Variants in DNAJC6 observed in about 807,000 individuals in gnomAD.
DNAJC6 encodes the protein DnaJ heat shock protein family (Hsp40) member C6.
Under a neutral mutation model 110.0 loss-of-function variants are expected in DNAJC6, and 34 were observed. The observed-to-expected ratio is 0.31, with a 90% CI of 0.24 to 0.41. The LOEUF is 0.41. DNAJC6 is among the 10% of genes least tolerant of loss of function. The pLI is 1.00. For synonymous variants in DNAJC6, 406 were observed against 437.2 expected (o/e 0.93, Z 0.89); for missense variants, 1,031 against 1,207.8 (o/e 0.85, Z 2.17).
intron 4 of DNAJC6, among the ~76,000 whole-genome samples, chr1:65,371,225 A>G (rs8179492): frequency 0.66 from 100,803 of 151,994 alleles, 34,154 homozygotes; most frequent in African/African-American, 0.82. Context: ...ACTGAGATGA[A>G]GCCATATAGT....
intron 14 of DNAJC6, among the ~76,000 whole-genome samples, chr1:65,399,461 A>T (rs1421733494): frequency 6.6e-6 from 1 of 152,200 alleles, no homozygotes; most frequent in African/African-American, 2.4e-5. Flanking sequence ...ACGCGTGCAC[A>T]TACAAACACA....
At chr1:65,381,423 C>G (rs2101592908) in intron 5 of DNAJC6, among the ~76,000 whole-genome samples, 1 of 151,810 alleles carries the variant, frequency 6.6e-6, no homozygotes, top group Admixed American at 6.6e-5. Context: ...GTGCTGTGCA[C>G]CTGTAATTCC....
At chr1:65,311,756 A>C (rs1645104053) in intron 1 of DNAJC6, among the ~76,000 whole-genome samples, 1 of 152,358 alleles carries the variant, frequency 6.6e-6, no homozygotes, top group Middle Eastern at 3.4e-3. Flanking sequence ...TCACTTCAGG[A>C]AAATGAAAGA....
chr1:65,342,108 T>G (rs1454512886), intron 1 of DNAJC6, among the ~76,000 whole-genome samples: 1 of 152,132 alleles, frequency 6.6e-6, no homozygotes, highest in Non-Finnish European at 1.5e-5. Context: ...ACTGTTTCCT[T>G]TTATGTTTTA....
chr1:65,328,739 A>G (rs1645262408), intron 1 of DNAJC6, among the ~76,000 whole-genome samples: 2 of 152,236 alleles, frequency 1.3e-5, no homozygotes, highest in Admixed American at 6.5e-5. Context: ...GTGGAACCTT[A>G]GAGTTGGGAA....
intron 1 of DNAJC6, among the ~76,000 whole-genome samples, chr1:65,358,698 A>C (rs1335929234): frequency 6.6e-6 from 1 of 152,196 alleles, no homozygotes; most frequent in African/African-American, 2.4e-5. Flanking sequence ...GCCCTTCTGT[A>C]CTTTTCTGCA....
At position 65,406,072 on chromosome 1, in the gene DNAJC6, C is replaced by T. The variant is rs771875633; in HGVS notation, c.2430C>T (p.Asn810=). 30 of 1,614,056 alleles carry T rather than the reference C, an allele frequency of 1.9e-5. No individual in the cohort carries two copies. Among genetic ancestry groups the T allele is most frequent in the African/African-American group, 5.3e-5 (4 of 74,938 alleles). The change falls in exon 16 of 19, where the codon AAC becomes AAT. Residue 810 remains asparagine (N), a synonymous_variant. Transcript: ENST00000371069. ...CTCCCCAGAACCGACCCAACTACAA[C>T]GTGAGCTTCTCAGCCATGCCTGGGG... ...HSSPQNRPNY[N]VSFSAMPGGQ...
chr1:65,355,438 C>T (rs1437131762), intron 1 of DNAJC6, among the ~76,000 whole-genome samples: 1 of 152,114 alleles, frequency 6.6e-6, no homozygotes, highest in Non-Finnish European at 1.5e-5. Flanking sequence ...ATTACCTGCT[C>T]TGTGGCCTCT....
chr1:65,320,458 G>A (rs1239893499), intron 1 of DNAJC6, among the ~76,000 whole-genome samples: 2 of 152,160 alleles, frequency 1.3e-5, no homozygotes, highest in African/African-American at 4.8e-5. Flanking sequence ...CCAAATCTAA[G>A]CTCTGACTTT....
intron 1 of DNAJC6, among the ~76,000 whole-genome samples, chr1:65,349,113 T>C (rs1031140344): frequency 6.9e-6 from 1 of 145,488 alleles, no homozygotes; most frequent in African/African-American, 2.5e-5. Flanking sequence ...AATAAATATG[T>C]AAATATATAT....
At position 65,411,324 on chromosome 1, in the gene DNAJC6, T is replaced by G. The variant is rs1646126686; in HGVS notation, c.2709T>G (p.Ala903=). 2 of 1,614,178 alleles carry G rather than the reference T, an allele frequency of 1.2e-6. No individual in the cohort carries two copies. The highest frequency in any genetic ancestry group is 1.7e-6 in the Non-Finnish European group (2 of 1,180,022). ...CCACGATGCATACCGTACTATGGGC[T>G]GGGGAGACCAAGTGGAAACCAGTTG... The part of the protein sequence containing the change: ...LLSTMHTVLW[A]GETKWKPVGM... The change falls in exon 18 of 19, where the codon GCT becomes GCG. Residue 903 remains alanine, a synonymous_variant. Transcript: ENST00000371069.
upstream of DNAJC6, among the ~76,000 whole-genome samples, chr1:65,305,456 G>A (rs1645028398): frequency 6.6e-6 from 1 of 152,126 alleles, no homozygotes; most frequent in Non-Finnish European, 1.5e-5. Flanking sequence ...AAACTCTGAT[G>A]TTTTCCAACC....
At chr1:65,407,003 C>G (rs1265000332) in intron 16 of DNAJC6, among the ~76,000 whole-genome samples, 1 of 152,134 alleles carries the variant, frequency 6.6e-6, no homozygotes, top group Non-Finnish European at 1.5e-5. Context: ...ACAGGCATCC[C>G]CCTTTATTTG....
At chr1:65,360,005 TG>T (rs1264708000) in intron 1 of DNAJC6, among the ~76,000 whole-genome samples, 1 of 152,234 alleles carries the variant, frequency 6.6e-6, no homozygotes, top group Non-Finnish European at 1.5e-5. Flanking sequence ...ATCTGGCCCA[TG>T]GGATCCAGTT....
intron 13 of DNAJC6, among the ~76,000 whole-genome samples, chr1:65,398,129 G>T (rs1361882209): frequency 3.3e-5 from 5 of 152,116 alleles, no homozygotes; most frequent in Admixed American, 3.3e-4. Flanking sequence ...ATTCCTTTTA[G>T]CCAAATATTT....
At chr1:65,380,111 T>A (rs1452022616) in intron 5 of DNAJC6, among the ~76,000 whole-genome samples, 2 of 152,326 alleles carry the variant, frequency 1.3e-5, no homozygotes, top group Middle Eastern at 3.4e-3. Context: ...ATACAGACAT[T>A]CCCATTATAT....
intron 16 of DNAJC6, 73 bp from the exon 17 acceptor site, chr1:65,408,568 A>C: frequency 1.3e-6 from 2 of 1,537,722 alleles, no homozygotes; most frequent in Non-Finnish European, 1.8e-6. Context: ...AAGACTCCAG[A>C]TGCTGTGAGA....
intron 1 of DNAJC6, among the ~76,000 whole-genome samples, chr1:65,351,617 ATTTGCTAC>A (rs1645490511): frequency 6.6e-6 from 1 of 152,104 alleles, no homozygotes; most frequent in Non-Finnish European, 1.5e-5. Flanking sequence ...GTATGCGTAT[ATTTGCTAC>A]AGTGCTGAGT....
intron 1 of DNAJC6, among the ~76,000 whole-genome samples, chr1:65,347,059 T>C (rs1645443349): frequency 6.6e-6 from 1 of 152,274 alleles, no homozygotes; most frequent in Middle Eastern, 3.4e-3. Context: ...AATGCAGCAC[T>C]GTGAGAGATA....
Sources: gnomAD v4.1 joint callset for allele counts (sites outside exome capture counted in the v4.1 genomes callset) on GRCh38, gnomAD v4.1.1 for gene constraint, MANE v1.5 for transcripts, NCBI Gene and HGNC (gene_info 2026-07-23, HGNC 2026-07-21) for gene names.